MACROD2: variants seen among roughly 807,000 people sequenced by gnomAD.
The protein encoded by MACROD2 is ADP-ribose glycohydrolase MACROD2.
MACROD2 carries 36 observed loss-of-function variants against 70.4 expected under a neutral mutation model. The ratio of observed to expected loss-of-function variants is 0.51; its 90% CI spans 0.39 to 0.68. MACROD2 has a LOEUF of 0.68. MACROD2 is among the 30% of genes least tolerant of loss of function. The pLI is 0.00. For missense variants in MACROD2, 496 were observed against 538.4 expected, an observed-to-expected ratio of 0.92 and a Z score of 0.78; for synonymous variants, 172 against 178.8, an observed-to-expected ratio of 0.96 and a Z score of 0.30.
chr20:15,550,880 A>C (rs937177308), intron 8 of MACROD2, among the ~76,000 whole-genome samples: 1 of 152,226 alleles, frequency 6.6e-6, no homozygotes, highest in Non-Finnish European at 1.5e-5. Context: ...GCTATTAAAT[A>C]TCAGAATCTT....
At chr20:15,750,479 T>C (rs2051252102) in intron 8 of MACROD2, among the ~76,000 whole-genome samples, 1 of 152,018 alleles carries the variant, frequency 6.6e-6, no homozygotes, top group African/African-American at 2.4e-5. Flanking sequence ...ATAGTAAATA[T>C]GTTACCCTTC....
chr20:14,706,033 A>G (rs2071265558), intron 5 of MACROD2, among the ~76,000 whole-genome samples: 1 of 152,080 alleles, frequency 6.6e-6, no homozygotes, highest in Admixed American at 6.6e-5. Context: ...TTGGTAGAAG[A>G]GGCTGGGTGC....
chr20:14,961,401 G>T (rs2074582146), intron 5 of MACROD2, among the ~76,000 whole-genome samples: 1 of 152,110 alleles, frequency 6.6e-6, no homozygotes, highest in Non-Finnish European at 1.5e-5. Flanking sequence ...AGAACTCAAA[G>T]ATTTAATACC....
chr20:15,058,530 A>T (rs959653158), intron 5 of MACROD2, among the ~76,000 whole-genome samples: 1 of 152,180 alleles, frequency 6.6e-6, no homozygotes, highest in Admixed American at 6.5e-5. Flanking sequence ...CTGAAATTCA[A>T]ATTTAACTAG....
At chr20:15,710,278 A>C (rs1011796876) in intron 8 of MACROD2, among the ~76,000 whole-genome samples, 5 of 152,168 alleles carry the variant, frequency 3.3e-5, no homozygotes, top group African/African-American at 1.2e-4. Context: ...GAACTAGTAC[A>C]GCCATTATAA....
chr20:15,492,188 C>CG (rs1009470129), intron 7 of MACROD2, among the ~76,000 whole-genome samples: 13 of 152,272 alleles, frequency 8.5e-5, no homozygotes, highest in Admixed American at 6.5e-4. Flanking sequence ...AAGTGCTTAA[C>CG]GGTGAGGCTC....
At chr20:15,247,434 T>C (rs1328969170) in intron 6 of MACROD2, among the ~76,000 whole-genome samples, 1 of 152,188 alleles carries the variant, frequency 6.6e-6, no homozygotes, top group East Asian at 1.9e-4. Context: ...TCAGAATGCT[T>C]GCTGTGAAGA....
At chr20:15,887,750 G>T (rs919853240) in intron 10 of MACROD2, among the ~76,000 whole-genome samples, 4 of 152,090 alleles carry the variant, frequency 2.6e-5, no homozygotes, top group African/African-American at 9.7e-5. Context: ...GTGAAAGGAA[G>T]AACGTAAGAC....
At chr20:16,041,931 C>G (rs1696007679) in intron 16 of MACROD2, among the ~76,000 whole-genome samples, 1 of 151,992 alleles carries the variant, frequency 6.6e-6, no homozygotes, top group African/African-American at 2.4e-5. Flanking sequence ...ACTATTTAAG[C>G]CTACCTAATG....
intron 15 of MACROD2, among the ~76,000 whole-genome samples, chr20:16,039,528 A>AT (rs1157812203): frequency 6.6e-6 from 1 of 151,682 alleles, no homozygotes; most frequent in Non-Finnish European, 1.5e-5. Context: ...TTCTTTTGGT[A>AT]TTTTTTCCAT....
intron 6 of MACROD2, among the ~76,000 whole-genome samples, chr20:15,369,150 G>A (rs916010618): frequency 2.6e-5 from 4 of 151,896 alleles, no homozygotes; most frequent in Non-Finnish European, 5.9e-5. Context: ...TTTAATGAAC[G>A]GATACTAAGT....
At chr20:15,050,378 A>C in intron 5 of MACROD2, among the ~76,000 whole-genome samples, 1 of 152,192 alleles carries the variant, frequency 6.6e-6, no homozygotes, top group Non-Finnish European at 1.5e-5. Context: ...TACTTTTTTC[A>C]TAATTGATTA....
At chr20:15,124,821 G>C (rs903067866) in intron 5 of MACROD2, among the ~76,000 whole-genome samples, 7 of 151,812 alleles carry the variant, frequency 4.6e-5, no homozygotes, top group Non-Finnish European at 8.8e-5. Flanking sequence ...TTCCTTCTAG[G>C]AGAGAAGTGT....
intron 5 of MACROD2, among the ~76,000 whole-genome samples, chr20:14,718,043 C>A (rs976921268): frequency 2.6e-5 from 4 of 151,756 alleles, no homozygotes; most frequent in Admixed American, 2.6e-4. Context: ...GCCTGTAATC[C>A]CAGCACTTTG....
At chr20:15,086,377 A>T (rs544206295) in intron 5 of MACROD2, among the ~76,000 whole-genome samples, 1 of 152,320 alleles carries the variant, frequency 6.6e-6, no homozygotes, top group Non-Finnish European at 1.5e-5. Context: ...TCTCTAGAAT[A>T]GAGCCGTGAT....
At chr20:15,001,970 CACAT>C (rs770559239) in intron 5 of MACROD2, among the ~76,000 whole-genome samples, 30 of 151,400 alleles carry the variant, frequency 2.0e-4, no homozygotes, top group Non-Finnish European at 4.0e-4. Context: ...CACACACACA[CACAT>C]ATACACACAC....
chr20:14,126,077 T>C (rs1411833463), intron 3 of MACROD2, among the ~76,000 whole-genome samples: 1 of 152,196 alleles, frequency 6.6e-6, no homozygotes, highest in Non-Finnish European at 1.5e-5. Flanking sequence ...TATTCTGTTT[T>C]AGTTTACTAT....
chr20:14,809,374 C>A (rs2072680152), intron 5 of MACROD2, among the ~76,000 whole-genome samples: 2 of 152,030 alleles, frequency 1.3e-5, no homozygotes, highest in Admixed American at 6.6e-5. Flanking sequence ...TAAATAAGTT[C>A]TTTGAAACCA....
At chr20:14,190,700 T>A (rs6079344) in intron 3 of MACROD2, among the ~76,000 whole-genome samples, 66 of 14,766 alleles carry the variant, frequency 4.5e-3, no homozygotes, top group Admixed American at 9.4e-3. Context: ...ATATATATAT[T>A]TTTTTTTTTT....
Sources: gnomAD v4.1 joint callset for allele counts (sites outside exome capture counted in the v4.1 genomes callset) on GRCh38, gnomAD v4.1.1 for gene constraint, MANE v1.5 for transcripts, NCBI Gene and HGNC (gene_info 2026-07-23, HGNC 2026-07-21) for gene names.